The following TEN1 variants were observed in gnomAD, a reference collection of about 807,000 sequenced individuals.
TEN1 encodes TEN1 subunit of CST complex, also known as CST complex subunit TEN1.
In TEN1, 6 loss-of-function variants were observed where a neutral mutation model predicts 9.3. The ratio of observed to expected loss-of-function variants is 0.65; its 90% CI spans 0.35 to 1.27. The LOEUF is 1.27. TEN1 is among the 50% of genes most tolerant of loss of function. The pLI, the probability that TEN1 is intolerant of heterozygous loss-of-function variation, is 0.03. For synonymous variants in TEN1, 65 were observed against 65.6 expected (o/e 0.99, Z 0.04); for missense variants, 149 against 158.2 (o/e 0.94, Z 0.31).
chr17:75,979,520 G>A lies in TEN1; in HGVS notation c.-7+9G>A. Reference sequence around the variant, plus strand: ...GGCGACGCCTAGAACAGGTTGGCTGGGGCCTTGGGAAGGGGGCGGGACAAC... The same window carrying A: ...GGCGACGCCTAGAACAGGTTGGCTGAGGCCTTGGGAAGGGGGCGGGACAAC... On this transcript the variant is annotated intron_variant, in intron 1 of 3. Coordinates refer to ENST00000397640, the MANE Select transcript of TEN1 (RefSeq NM_001113324.3). 1 of 310,102 alleles carries A rather than the reference G, an allele frequency of 3.2e-6. No homozygotes were observed. Among genetic ancestry groups the A allele is most frequent in the Non-Finnish European group, 6.3e-6 (1 of 157,936 alleles). The allele number at this position is 310,102 out of a possible 1,614,324, so 19.2% of individuals were successfully genotyped here.
chr17:75,991,650 C>G, intron 3 of TEN1, 27 bp downstream of exon 3: 2 of 1,548,318 alleles, frequency 1.3e-6, no homozygotes, highest in Non-Finnish European at 1.7e-6. Context: ...GATCCCCTTT[C>G]TCATCCTGGG....
Position 75,996,739 on chromosome 17 carries a change from AG to A in TEN1, c.251-3401del, listed in dbSNP as rs1281840224. On this transcript the variant is annotated intron_variant, in intron 3 of 3. Transcript: ENST00000397640. ...AAAAAAAAAAGAGAGAGAGAAAGAA[AG>A]AAAAAGAAAGAAAAGAAAAGAAAGA... is the stretch of plus-strand genomic sequence containing the variant. Among the ~76,000 whole-genome samples, 10 of 151,666 alleles carry A rather than the reference AG, an allele frequency of 6.6e-5. No individual in the cohort carries two copies. In the East Asian group the frequency reaches 1.9e-3, roughly 29 times the overall value.
chr17:75,980,094 T>A (rs1211179995), intron 1 of TEN1, among the ~76,000 whole-genome samples: 1 of 152,098 alleles, frequency 6.6e-6, no homozygotes, highest in Non-Finnish European at 1.5e-5. Context: ...CCCAGCACTT[T>A]GGGAGGACGA....
chr17:75,986,290 A>T lies in TEN1; in HGVS notation c.92+6A>T. 6.5e-7 allele frequency: 1 copy of T among 1,543,618 alleles called. No individual in the cohort carries two copies. The highest frequency in any genetic ancestry group is 8.7e-7 in the Non-Finnish European group (1 of 1,143,168). The stretch of plus-strand genomic sequence containing the variant: ...ACGCTGAGAACATTTGGCAGGTGAG[A>T]ACGGTTATTTTTTTCACTGGTGGGG... On this transcript the variant is annotated splice_donor_region_variant and intron_variant, in intron 2 of 3. Coordinates refer to ENST00000397640, the MANE Select transcript of TEN1 (RefSeq NM_001113324.3).
At chr17:75,981,478 C>T (rs368585098) in intron 1 of TEN1, among the ~76,000 whole-genome samples, 8 of 152,170 alleles carry the variant, frequency 5.3e-5, no homozygotes, top group African/African-American at 1.7e-4. Flanking sequence ...TGAGCCACTG[C>T]GCCTGGCTGG....
intron 3 of TEN1, among the ~76,000 whole-genome samples, chr17:75,993,950 G>C (rs988108655): frequency 2.0e-5 from 3 of 151,706 alleles, no homozygotes; most frequent in African/African-American, 7.3e-5. Flanking sequence ...AGTGAGCGGA[G>C]ATCGTGCCAC....
At chr17:75,985,600 C>G (rs1011853151) in intron 1 of TEN1, among the ~76,000 whole-genome samples, 1 of 152,216 alleles carries the variant, frequency 6.6e-6, no homozygotes, top group Non-Finnish European at 1.5e-5. Flanking sequence ...TCTTGGCTCA[C>G]TGAAACTTCC....
chr17:75,987,617 T>C (rs1453415961), intron 2 of TEN1, among the ~76,000 whole-genome samples: 3 of 152,034 alleles, frequency 2.0e-5, no homozygotes, highest in East Asian at 1.9e-4. Context: ...TACATACATA[T>C]AGAAGTATTT....
chr17:75,980,702 C>T (rs2066111971), intron 1 of TEN1, among the ~76,000 whole-genome samples: 1 of 152,206 alleles, frequency 6.6e-6, no homozygotes, highest in Non-Finnish European at 1.5e-5. Context: ...GGATTACAGG[C>T]GTGAGCCGCT....
rs766097329 is a variant in TEN1 at position 76,000,250 on chromosome 17, C to T, written c.360C>T (p.Gly120=). The T allele has an allele frequency of 3.9e-6, 6 of 1,550,790 alleles. No individual in the cohort carries two copies. The highest frequency in any genetic ancestry group is 1.7e-4 in the Middle Eastern group (1 of 6,008). Residue 120 remains glycine (G), a synonymous_variant, in exon 4 of 4, where the codon GGC becomes GGT. Coordinates refer to ENST00000397640, the MANE Select transcript of TEN1 (RefSeq NM_001113324.3). The surrounding 1 kb of genome is among the most constrained non-coding windows in gnomAD (Gnocchi z 5.9). ...AGAGACTGTACAAGCAGGAGCGGGG[C>T]GGCAGCCAGTAGGAAACAGCAGCCT... ...REQRLYKQER[G]GSQ
chr17:75,997,907 T>C (rs2066226904), intron 3 of TEN1, among the ~76,000 whole-genome samples: 1 of 151,248 alleles, frequency 6.6e-6, no homozygotes, highest in Non-Finnish European at 1.5e-5. Context: ...AGGCTGGGAG[T>C]GCAGTGGCAC....
At chr17:75,994,160 C>T (rs968392492) in intron 3 of TEN1, among the ~76,000 whole-genome samples, 11 of 151,894 alleles carry the variant, frequency 7.2e-5, no homozygotes, top group Non-Finnish European at 1.3e-4. Flanking sequence ...TGTCGCTGGG[C>T]GCGGTGGCTC....
At chr17:75,987,606 GTACA>G (rs1179943489) in intron 2 of TEN1, among the ~76,000 whole-genome samples, 1 of 152,114 alleles carries the variant, frequency 6.6e-6, no homozygotes, top group Non-Finnish European at 1.5e-5. Context: ...AGAGACACGT[GTACA>G]TACATATAGA....
Position 75,979,417 on chromosome 17 carries a change from G to A in TEN1, c.-101G>A, listed in dbSNP as rs1598207418. The stretch of plus-strand genomic sequence containing the variant: ...GCCCTGCTGGGCGTCCGGGGAGTGG[G>A]AAAATAAAGCACTTTTTGTATCCCG... On this transcript the variant is annotated 5_prime_UTR_variant, in exon 1 of 4. Transcript: ENST00000397640. The A allele has an allele frequency of 2.2e-6, 1 of 449,648 alleles. No homozygotes were observed. Among genetic ancestry groups the A allele is most frequent in the East Asian group, 4.5e-5 (1 of 22,074 alleles). The allele number at this position is 449,648 out of a possible 1,614,324, so 27.9% of individuals were successfully genotyped here.
chr17:75,986,278 T>C lies in TEN1; in HGVS notation c.86T>C (p.Phe29Ser). The C allele has an allele frequency of 1.9e-6, 3 of 1,546,094 alleles. No homozygotes were observed. The highest frequency in any genetic ancestry group is 1.4e-5 in the African/African-American group (1 of 72,910). The change falls in exon 2 of 4, where the codon TTT (phenylalanine) becomes TCT (serine). Residue 29 changes from phenylalanine (F) to serine (S), a missense_variant. By Grantham distance (155) the Phe-to-Ser change is radical (BLOSUM62 -2). Coordinates refer to ENST00000397640, the MANE Select transcript of TEN1 (RefSeq NM_001113324.3). ...QVPDGSTLRT[F>S]GRLCLYDMIQ... Reference sequence around the variant, plus strand: ...CCTGATGGGAGCACGCTGAGAACATTTGGCAGGTGAGAACGGTTATTTTTT... The same window carrying C: ...CCTGATGGGAGCACGCTGAGAACATCTGGCAGGTGAGAACGGTTATTTTTT...
In TEN1 at chr17:75,989,278, G is replaced by GT. The variant is rs936936840; in HGVS notation, c.93-2178dup. On this transcript the variant is annotated intron_variant, in intron 2 of 3. Coordinates refer to ENST00000397640, the MANE Select transcript of TEN1 (RefSeq NM_001113324.3). The stretch of plus-strand genomic sequence containing the variant: ...CCACGCCCGGCTAATTTTTTTTTTT[G>GT]TTTTTTTTTTGTTTTTGTAGAGATG... Among the ~76,000 whole-genome samples, 581 of 138,160 alleles carry GT rather than the reference G, an allele frequency of 4.2e-3. 1 individual carries two copies. The Middle Eastern group carries it at 0.042, about 10-fold the overall frequency. 90.6% of individuals were successfully genotyped at this position (138,160 alleles called of 152,430 possible). A position where few individuals can be genotyped will look rare whatever the true frequency, so the allele number is the denominator to read the frequency against.
Position 76,000,478 on chromosome 17 carries a change from A to G in TEN1, c.*216A>G, listed in dbSNP as rs115295379. On this transcript the variant is annotated 3_prime_UTR_variant, in exon 4 of 4. Coordinates refer to ENST00000397640, the MANE Select transcript of TEN1 (RefSeq NM_001113324.3). The surrounding 1 kb of genome is among the most constrained non-coding windows in gnomAD (Gnocchi z 5.9). ...GCCATAAATCCGACAGCCCCACCCC[A>G]GGAGACTGCAGGTGGCCGAGCTTGG... 6.8e-3 allele frequency: 4,740 copies of G among 695,070 alleles called. 142 individuals are homozygous for G. The African/African-American group carries it at 0.07, about 10-fold the overall frequency. 43.1% of individuals were successfully genotyped at this position (695,070 alleles called of 1,614,324 possible).
intron 2 of TEN1, 127 bp from the exon 3 acceptor site, chr17:75,991,339 A>G (rs1598214206): frequency 5.2e-6 from 5 of 967,254 alleles, no homozygotes; most frequent in Non-Finnish European, 7.8e-6. Flanking sequence ...TGTTGCTGCA[A>G]TTTGCATTTC....
At chr17:75,990,611 A>G (rs1375121723) in intron 2 of TEN1, among the ~76,000 whole-genome samples, 3 of 151,252 alleles carry the variant, frequency 2.0e-5, no homozygotes, top group Non-Finnish European at 4.4e-5. Flanking sequence ...AGGCAGGTGG[A>G]TCACGTGAGC....
Sources: gnomAD v4.1 joint callset for allele counts (sites outside exome capture counted in the v4.1 genomes callset) on GRCh38, gnomAD v4.1.1 for gene constraint, Gnocchi (gnomAD v3.1) non-coding constraint, MANE v1.5 for transcripts, NCBI Gene and HGNC (gene_info 2026-07-23, HGNC 2026-07-21) for gene names.